The following HOMER1 variants were observed in gnomAD, a reference collection of about 807,000 sequenced individuals.
HOMER1 encodes homer protein homolog 1.
In HOMER1, 3 loss-of-function variants were observed where a neutral mutation model predicts 48.9. That is an observed-to-expected ratio of 0.06 (90% confidence interval 0.03 to 0.16). The LOEUF is 0.16. Among genes scored for constraint, HOMER1 ranks in the 10% least tolerant of loss-of-function variants. The pLI, the probability that HOMER1 is intolerant of heterozygous loss-of-function variation, is 1.00. For missense variants in HOMER1, 247 were observed against 411.4 expected, an observed-to-expected ratio of 0.60 and a Z score of 3.46; for synonymous variants, 134 against 146.4, an observed-to-expected ratio of 0.92 and a Z score of 0.61.
intron 1 of HOMER1, among the ~76,000 whole-genome samples, chr5:79,498,328 G>A (rs938911313): frequency 1.3e-5 from 2 of 152,170 alleles, no homozygotes; most frequent in African/African-American, 4.8e-5. Flanking sequence ...CCCAGGAAGC[G>A]GAGGTTGCAG....
At chr5:79,407,522 G>A (rs905737328) in intron 5 of HOMER1, among the ~76,000 whole-genome samples, 2 of 152,194 alleles carry the variant, frequency 1.3e-5, no homozygotes, top group African/African-American at 2.4e-5. Context: ...CAACAGAAAT[G>A]TTAGAAATAC....
At chr5:79,439,844 T>C (rs1260581589) in intron 4 of HOMER1, among the ~76,000 whole-genome samples, 2 of 152,160 alleles carry the variant, frequency 1.3e-5, no homozygotes, top group Non-Finnish European at 2.9e-5. Flanking sequence ...TAAATAACAT[T>C]AAAATTTATG....
intron 1 of HOMER1, among the ~76,000 whole-genome samples, chr5:79,496,877 C>A (rs1234302832): frequency 6.6e-6 from 1 of 151,580 alleles, no homozygotes; most frequent in African/African-American, 2.4e-5. Flanking sequence ...CCAGCCTGGC[C>A]AACATGATGA....
At chr5:79,507,731 G>C (rs1371942782) in intron 1 of HOMER1, among the ~76,000 whole-genome samples, 2 of 151,498 alleles carry the variant, frequency 1.3e-5, no homozygotes, top group Non-Finnish European at 2.9e-5. Flanking sequence ...AAAATCACAT[G>C]GCAGTAGAGA....
In HOMER1 at chr5:79,488,304, T is replaced by C. The variant is rs1007120520; in HGVS notation, c.5+24466A>G. On this transcript the variant is annotated intron_variant, in intron 1 of 8. Coordinates refer to ENST00000334082, the MANE Select transcript of HOMER1 (RefSeq NM_004272.5). ...GAGAAGGGGTCCTGACGCAGCTAAG[T>C]GGTAGGTCACGATTGATGCAGGAGA... is the stretch of plus-strand genomic sequence containing the variant. Among the ~76,000 whole-genome samples the C allele has an allele frequency of 7.9e-5, 12 of 152,360 alleles. No individual in the cohort carries two copies. In the South Asian group the frequency reaches 2.5e-3, roughly 32 times the overall value.
At chr5:79,391,485 C>G (rs1337178274) in intron 8 of HOMER1, among the ~76,000 whole-genome samples, 1 of 151,570 alleles carries the variant, frequency 6.6e-6, no homozygotes, top group Non-Finnish European at 1.5e-5. Context: ...TGGCTCATGC[C>G]TGTAATCCCA....
At chr5:79,437,646 C>T (rs1750629233) in intron 5 of HOMER1, among the ~76,000 whole-genome samples, 2 of 152,260 alleles carry the variant, frequency 1.3e-5, no homozygotes, top group South Asian at 4.1e-4. Flanking sequence ...CTGTTCATTC[C>T]TAAACAAACC....
intron 1 of HOMER1, among the ~76,000 whole-genome samples, chr5:79,482,952 G>A (rs7702927): frequency 0.049 from 7,389 of 152,122 alleles, 214 homozygotes; most frequent in African/African-American, 0.078. Flanking sequence ...GCAGTGAGCC[G>A]TGATCATGCC....
intron 3 of HOMER1, among the ~76,000 whole-genome samples, chr5:79,450,683 A>G (rs1751005169): frequency 6.6e-6 from 1 of 152,156 alleles, no homozygotes; most frequent in African/African-American, 2.4e-5. Flanking sequence ...ACCATCTCCA[A>G]TTGAGGGTAC....
At chr5:79,492,754 C>CTAATAT (rs1752315239) in intron 1 of HOMER1, among the ~76,000 whole-genome samples, 1 of 151,668 alleles carries the variant, frequency 6.6e-6, no homozygotes, top group African/African-American at 2.4e-5. Context: ...GTTGGTCTTC[C>CTAATAT]AAGATAAGAA....
chr5:79,402,066 A>C lies in HOMER1; in HGVS notation c.528-11T>G, dbSNP rs533032490. 2.5e-5 allele frequency: 40 copies of C among 1,609,152 alleles called. No homozygotes were observed. The South Asian group carries it at 4.2e-4, about 17-fold the overall frequency. Reference sequence around the variant, plus strand: ...TTGCTGATTGCTGAACTAAAATAAAACAAAAAGAAAATTCTATCCATTACA... The same window carrying C: ...TTGCTGATTGCTGAACTAAAATAAACCAAAAAGAAAATTCTATCCATTACA... On this transcript the variant is annotated splice_polypyrimidine_tract_variant and intron_variant, in intron 5 of 8. Coordinates refer to ENST00000334082, the MANE Select transcript of HOMER1 (RefSeq NM_004272.5).
chr5:79,412,165 TA>T (rs1474963972), intron 5 of HOMER1, among the ~76,000 whole-genome samples: 1 of 152,070 alleles, frequency 6.6e-6, no homozygotes, highest in African/African-American at 2.4e-5. Flanking sequence ...TAGGTTGCAG[TA>T]GGTTTTTTTC....
At chr5:79,447,506 G>A (rs1750917285) in intron 3 of HOMER1, among the ~76,000 whole-genome samples, 1 of 152,114 alleles carries the variant, frequency 6.6e-6, no homozygotes, top group South Asian at 2.1e-4. Flanking sequence ...TTATCATTGA[G>A]AAAACTGAAT....
chr5:79,397,467 A>G (rs1358866278), intron 7 of HOMER1, 60 bp downstream of exon 7: 7 of 1,000,402 alleles, frequency 7.0e-6, no homozygotes, highest in Non-Finnish European at 1.1e-5. Context: ...TTGACATGGA[A>G]TCTAATACTT....
intron 5 of HOMER1, among the ~76,000 whole-genome samples, chr5:79,403,331 G>C (rs1225702179): frequency 6.6e-6 from 1 of 151,986 alleles, no homozygotes; most frequent in Non-Finnish European, 1.5e-5. Flanking sequence ...ATATTTTATA[G>C]TAATTTTAGC....
At chr5:79,393,388 C>T (rs777890088) in intron 8 of HOMER1, among the ~76,000 whole-genome samples, 12 of 152,146 alleles carry the variant, frequency 7.9e-5, no homozygotes, top group Non-Finnish European at 1.3e-4. Context: ...AGAAGCCAGC[C>T]ATCTGAAGAT....
intron 5 of HOMER1, among the ~76,000 whole-genome samples, chr5:79,411,477 C>A (rs1006040393): frequency 5.9e-5 from 9 of 151,288 alleles, no homozygotes; most frequent in Non-Finnish European, 1.0e-4. Flanking sequence ...AAAGGGAGAC[C>A]CTGACTCAAA....
chr5:79,429,274 T>C (rs1222312718), intron 5 of HOMER1, among the ~76,000 whole-genome samples: 14 of 152,070 alleles, frequency 9.2e-5, no homozygotes, highest in African/African-American at 3.4e-4. Flanking sequence ...GAGAATCACT[T>C]TGAGGCATGA....
chr5:79,502,946 A>G (rs1179371203), intron 1 of HOMER1, among the ~76,000 whole-genome samples: 8 of 151,590 alleles, frequency 5.3e-5, no homozygotes, highest in South Asian at 2.1e-4. Context: ...GCCCGCCACC[A>G]CGCCCGGCTA....
Sources: allele counts gnomAD v4.1 joint callset (sites outside exome capture counted in the v4.1 genomes callset), GRCh38; gene constraint gnomAD v4.1.1; transcripts MANE v1.5; gene names NCBI Gene and HGNC (gene_info 2026-07-23, HGNC 2026-07-21).